SFI1: variants seen among roughly 807,000 people sequenced by gnomAD.
SFI1 encodes the protein protein SFI1 homolog.
Under a neutral mutation model 207.5 loss-of-function variants are expected in SFI1, and 195 were observed. The ratio of observed to expected loss-of-function variants is 0.94; its 90% CI spans 0.84 to 1.06. The LOEUF (loss-of-function observed/expected upper bound fraction) is 1.06. Among genes scored for constraint, SFI1 ranks in the 50% least tolerant of loss-of-function variants. The pLI is 0.00. For synonymous variants in SFI1, 630 were observed against 598.9 expected (o/e 1.05, Z -0.76); for missense variants, 1,634 against 1,588.0 (o/e 1.03, Z -0.49).
chr22:31,576,182 G>A (rs1242244038), intron 10 of SFI1, among the ~76,000 whole-genome samples: 4 of 151,776 alleles, frequency 2.6e-5, no homozygotes, highest in African/African-American at 4.8e-5. Context: ...GTGCCACCAC[G>A]CCTGGCTAAT....
At chr22:31,613,045 AG>A in intron 24 of SFI1, 96 bp from the exon 25 acceptor site, 1 of 1,335,222 alleles carries the variant, frequency 7.5e-7, no homozygotes, top group Non-Finnish European at 1.0e-6. Flanking sequence ...CCTCGACTAG[AG>A]AGGGAGCCAA....
chr22:31,579,648 C>T (rs1329223010), intron 11 of SFI1, among the ~76,000 whole-genome samples: 1 of 152,088 alleles, frequency 6.6e-6, no homozygotes, highest in African/African-American at 2.4e-5. Flanking sequence ...GACGGAGTCT[C>T]CTTCTGTTGG....
rs2061504470 is a variant in SFI1 at position 31,559,801 on chromosome 22, C to T, written c.663-1489C>T. 4.3e-5 allele frequency: 31 copies of T among 717,252 alleles called. 1 individual carries two copies. In the East Asian group the frequency reaches 8.3e-4, roughly 19 times the overall value. 44.4% of individuals were successfully genotyped at this position (717,252 alleles called of 1,614,324 possible). On this transcript the variant is annotated intron_variant, in intron 7 of 32. Transcript: ENST00000400288. ...TAGCCAGTGGTCTGGACAAGAAGCT[C>T]CGTGCAGATGTGGAGCGACTGAAGA... is the stretch of plus-strand genomic sequence containing the variant.
intron 8 of SFI1, among the ~76,000 whole-genome samples, chr22:31,569,943 A>C (rs974717073): frequency 1.6e-5 from 1 of 63,586 alleles, no homozygotes; most frequent in Non-Finnish European, 3.8e-5. Flanking sequence ...GCAAGAACCT[A>C]TCTCAAAAAA....
chr22:31,553,773 A>G (rs749252143), intron 6 of SFI1, among the ~76,000 whole-genome samples: 3 of 116,606 alleles, frequency 2.6e-5, no homozygotes, highest in Non-Finnish European at 5.3e-5. Context: ...TCTTAACAGT[A>G]TCTTTTGCAG....
Position 31,613,344 on chromosome 22 carries a change from C to T in SFI1, c.2566-10C>T. 1 of 1,604,308 alleles carries T rather than the reference C, an allele frequency of 6.2e-7. No individual in the cohort carries two copies. Among genetic ancestry groups the T allele is most frequent in the Non-Finnish European group, 8.5e-7 (1 of 1,173,794 alleles). ...GGAGACCTGGGCCTCACCTCCTGCCCTCCCTGGAGGTGTGGGCCACGTGGC... is the reference window on the plus strand; with the variant it reads ...GGAGACCTGGGCCTCACCTCCTGCCTTCCCTGGAGGTGTGGGCCACGTGGC... On this transcript the variant is annotated splice_polypyrimidine_tract_variant and intron_variant, in intron 25 of 32. Transcript: ENST00000400288.
intron 15 of SFI1, among the ~76,000 whole-genome samples, chr22:31,599,049 C>T (rs1334040691): frequency 6.6e-6 from 1 of 151,702 alleles, no homozygotes; most frequent in East Asian, 2.0e-4. Flanking sequence ...GCCTCGGCCT[C>T]CCAAAGTGCT....
chr22:31,558,052 G>A (rs2061339574), intron 7 of SFI1, among the ~76,000 whole-genome samples: 1 of 152,154 alleles, frequency 6.6e-6, no homozygotes, highest in Admixed American at 6.6e-5. Context: ...ACTTACTTGG[G>A]TTTGAATCCC....
intron 12 of SFI1, 104 bp from the exon 13 acceptor site, chr22:31,583,771 G>A: frequency 1.1e-6 from 1 of 950,728 alleles, no homozygotes; most frequent in East Asian, 2.4e-5. Flanking sequence ...GCTCCTAACT[G>A]AGGTCATTTC....
intron 4 of SFI1, among the ~76,000 whole-genome samples, chr22:31,532,895 G>A (rs2058656331): frequency 6.6e-6 from 1 of 152,206 alleles, no homozygotes; most frequent in Non-Finnish European, 1.5e-5. Flanking sequence ...ATATTTGTGG[G>A]TTAGGGAATT....
At chr22:31,567,659 A>T (rs1366908999) in intron 8 of SFI1, among the ~76,000 whole-genome samples, 4 of 152,158 alleles carry the variant, frequency 2.6e-5, no homozygotes, top group Non-Finnish European at 5.9e-5. Context: ...GGTTACCTAT[A>T]GGAGGAGGGA....
intron 22 of SFI1, among the ~76,000 whole-genome samples, chr22:31,610,497 A>T (rs537886901): frequency 6.6e-6 from 1 of 152,310 alleles, no homozygotes; most frequent in South Asian, 2.1e-4. Context: ...TCATCTTGGC[A>T]TCTGTGCCCT....
intron 2 of SFI1, among the ~76,000 whole-genome samples, chr22:31,522,192 C>T (rs759519276): frequency 6.6e-6 from 1 of 151,904 alleles, no homozygotes; most frequent in African/African-American, 2.4e-5. Context: ...CTCAGCCTCC[C>T]AGGTAGCTGG....
At chr22:31,523,843 A>C (rs891951379) in intron 2 of SFI1, among the ~76,000 whole-genome samples, 1 of 152,006 alleles carries the variant, frequency 6.6e-6, no homozygotes, top group Non-Finnish European at 1.5e-5. Context: ...TATTTCTACT[A>C]TTCTACTCTT....
chr22:31,606,699 T>C (rs113123877), intron 21 of SFI1: 108 of 215,224 alleles, frequency 5.0e-4, no homozygotes, highest in African/African-American at 1.9e-3. Flanking sequence ...TTTTCTTTTT[T>C]TTTTTTTTTT....
intron 6 of SFI1, among the ~76,000 whole-genome samples, chr22:31,551,050 C>T (rs2060580196): frequency 6.6e-6 from 1 of 152,158 alleles, no homozygotes; most frequent in South Asian, 2.1e-4. Flanking sequence ...TAAGAAGGCC[C>T]TCTGAGGCAT....
At chr22:31,564,702 G>T (rs1235257668) in intron 8 of SFI1, among the ~76,000 whole-genome samples, 2 of 151,174 alleles carry the variant, frequency 1.3e-5, no homozygotes, top group Non-Finnish European at 1.5e-5. Context: ...TGGAGTCGAG[G>T]TCTCACCATG....
rs1474391307 is a variant in SFI1 at position 31,528,838 on chromosome 22, G to A, written c.241G>A (p.Gly81Ser). The A allele has an allele frequency of 1.2e-6, 2 of 1,613,674 alleles. No homozygotes were observed. The highest frequency in any genetic ancestry group is 2.2e-5 in the South Asian group (2 of 91,072). The change falls in exon 3 of 33, where the codon GGC (glycine) becomes AGC (serine). Residue 81 changes from glycine (G) to serine (S), a missense_variant. Transcript: ENST00000400288. ...YRGTHTCTRQ[G>S]RLRELRIRCV... ...TGGCACACATACTTGTACCCGACAG[G>A]GCCGGTTAAGAGAACTGCGCATCAG...
rs1484893359 is a variant in SFI1, at chr22:31,550,367, T to C, written c.544+19T>C. ...GTTCATGGTGAGAAAAAGAAGTCCA[T>C]GTCTGAAGAAGATGCCCACATTTAC... On this transcript the variant is annotated intron_variant, in intron 6 of 32. Transcript: ENST00000400288. 9 of 1,602,256 alleles carry C rather than the reference T, an allele frequency of 5.6e-6. No individual in the cohort carries two copies. The highest frequency in any genetic ancestry group is 6.8e-6 in the Non-Finnish European group (8 of 1,169,698).
Sources: gnomAD v4.1 joint callset for allele counts (sites outside exome capture counted in the v4.1 genomes callset) on GRCh38, gnomAD v4.1.1 for gene constraint, MANE v1.5 for transcripts, NCBI Gene and HGNC (gene_info 2026-07-23, HGNC 2026-07-21) for gene names.